The following SUGCT variants were observed in gnomAD, a reference collection of about 807,000 sequenced individuals.
The protein encoded by SUGCT is succinyl-CoA:glutarate-CoA transferase, also known as succinyl-CoA:glutarate CoA-transferase.
Under a neutral mutation model 55.0 loss-of-function variants are expected in SUGCT, and 41 were observed. That is an observed-to-expected ratio of 0.74 (90% CI 0.58 to 0.97). The LOEUF is 0.97. Ranked by LOEUF, SUGCT falls within the 50% of genes least tolerant of loss-of-function variation. The pLI is 0.00. For missense variants in SUGCT, 568 were observed against 547.8 expected (o/e 1.04, Z -0.37); for synonymous variants, 187 against 200.4 (o/e 0.93, Z 0.56).
At chr7:40,907,095 TAG>T in the SUGCT span, among the ~76,000 whole-genome samples, 5 of 52,206 alleles carry the variant, frequency 9.6e-5, no homozygotes, top group Middle Eastern at 7.8e-3. Context: ...TTTGTTCTGA[TAG>T]TGTGTGTGTG....
chr7:41,034,699 G>A, the SUGCT span, among the ~76,000 whole-genome samples: 11 of 152,018 alleles, frequency 7.2e-5, no homozygotes, highest in African/African-American at 2.2e-4. Context: ...CTTCTTCTGC[G>A]TGTCCATTCA....
the SUGCT span, among the ~76,000 whole-genome samples, chr7:41,016,724 C>A: frequency 1.3e-5 from 2 of 152,056 alleles, no homozygotes; most frequent in Non-Finnish European, 2.9e-5. Flanking sequence ...AGATAAGATG[C>A]CTTGGTCCCT....
chr7:40,503,226 A>G (rs964184056), intron 12 of SUGCT, among the ~76,000 whole-genome samples: 7 of 152,168 alleles, frequency 4.6e-5, no homozygotes, highest in Non-Finnish European at 1.5e-5. Context: ...GTAGTCATTC[A>G]TGGCTGCAAA....
chr7:40,253,709 G>C (rs985041159), intron 7 of SUGCT, among the ~76,000 whole-genome samples: 1 of 152,172 alleles, frequency 6.6e-6, no homozygotes, highest in Non-Finnish European at 1.5e-5. Context: ...TCAGTAGACA[G>C]AGGGTTTCGC....
At chr7:40,358,434 C>A (rs539098680) in intron 9 of SUGCT, among the ~76,000 whole-genome samples, 1 of 152,044 alleles carries the variant, frequency 6.6e-6, no homozygotes, top group Admixed American at 6.6e-5. Flanking sequence ...TTCAGAGGGC[C>A]GGGCGCAGTG....
intron 3 of SUGCT, among the ~76,000 whole-genome samples, chr7:40,184,430 G>C (rs1406772823): frequency 6.6e-6 from 1 of 151,876 alleles, no homozygotes; most frequent in Non-Finnish European, 1.5e-5. Flanking sequence ...ACTGTGCCTG[G>C]CTAAATTTTT....
chr7:40,335,725 T>C (rs977508789), intron 9 of SUGCT, among the ~76,000 whole-genome samples: 1 of 152,196 alleles, frequency 6.6e-6, no homozygotes, highest in Non-Finnish European at 1.5e-5. Context: ...TTTTCCTAAT[T>C]GAATATGCTT....
intron 11 of SUGCT, among the ~76,000 whole-genome samples, chr7:40,489,925 A>G (rs537889670): frequency 6.6e-6 from 1 of 152,288 alleles, no homozygotes; most frequent in East Asian, 1.9e-4. Flanking sequence ...AGTCCTCACC[A>G]TCTGGTTATG....
chr7:40,531,482 A>G (rs1032966710), intron 12 of SUGCT, among the ~76,000 whole-genome samples: 2 of 151,948 alleles, frequency 1.3e-5, no homozygotes, highest in Admixed American at 6.5e-5. Context: ...ATTAATGGCA[A>G]TAAAATTTTG....
chr7:40,709,193 A>T (rs1313445097), intron 12 of SUGCT, among the ~76,000 whole-genome samples: 4 of 152,204 alleles, frequency 2.6e-5, no homozygotes, highest in Non-Finnish European at 1.5e-5. Flanking sequence ...ATGTTGTTTG[A>T]TGCCCTTTTG....
intron 9 of SUGCT, among the ~76,000 whole-genome samples, chr7:40,381,514 CAAAA>C (rs201144918): frequency 6.6e-6 from 1 of 151,470 alleles, no homozygotes; most frequent in Non-Finnish European, 1.5e-5. Context: ...GTAACAACAA[CAAAA>C]AAAACCCTAA....
At chr7:40,839,528 T>C (rs1416747181) in intron 13 of SUGCT, among the ~76,000 whole-genome samples, 1 of 152,214 alleles carries the variant, frequency 6.6e-6, no homozygotes, top group Non-Finnish European at 1.5e-5. Context: ...AGTGAAACCA[T>C]AGAAACCTAG....
Position 40,301,503 on chromosome 7 carries a change from C to T in SUGCT, c.721-15257C>T, listed in dbSNP as rs557503935. Among the ~76,000 whole-genome samples, 3 of 152,314 alleles carry T rather than the reference C, an allele frequency of 2.0e-5. No homozygotes were observed. The South Asian group carries it at 6.2e-4, about 32-fold the overall frequency. ...TGCTGGATCATTTGGTCACTGAAAT[C>T]ATGCATTTCTTGTCCTATTCCACAC... On this transcript the variant is annotated intron_variant, in intron 8 of 13. Coordinates refer to ENST00000335693, the MANE Select transcript of SUGCT (RefSeq NM_001193313.2).
intron 13 of SUGCT, among the ~76,000 whole-genome samples, chr7:40,825,101 G>T (rs1204378102): frequency 6.6e-6 from 1 of 152,184 alleles, no homozygotes. Flanking sequence ...GTTAAAGGTT[G>T]TGCAGGAGGT....
chr7:40,775,816 G>A (rs1197548176), intron 13 of SUGCT: 2 of 152,182 alleles, frequency 1.3e-5, no homozygotes, highest in African/African-American at 2.4e-5. Flanking sequence ...ATAAAATCAC[G>A]TCAGCCTAGG....
intron 13 of SUGCT, among the ~76,000 whole-genome samples, chr7:40,752,601 C>A (rs1788072556): frequency 6.6e-6 from 1 of 152,196 alleles, no homozygotes; most frequent in Admixed American, 6.5e-5. Flanking sequence ...GGTGATCCAC[C>A]TGCCTCGGCC....
intron 7 of SUGCT, among the ~76,000 whole-genome samples, 199 bp from the exon 8 acceptor site, chr7:40,274,314 T>G (rs889597376): frequency 5.8e-4 from 88 of 152,198 alleles, no homozygotes; most frequent in Non-Finnish European, 1.1e-3. Context: ...CACTGAGAAG[T>G]ATATAGTAAA....
intron 6 of SUGCT, among the ~76,000 whole-genome samples, chr7:40,235,506 C>T (rs111387133): frequency 0.47 from 71,004 of 151,890 alleles, 17,504 homozygotes; most frequent in African/African-American, 0.64. Context: ...TTTGTAATTT[C>T]AGTAGAGACG....
At chr7:40,424,402 C>A (rs889468836) in intron 9 of SUGCT, among the ~76,000 whole-genome samples, 1 of 152,030 alleles carries the variant, frequency 6.6e-6, no homozygotes, top group Non-Finnish European at 1.5e-5. Context: ...ATAAGCACTG[C>A]CTGAATAATC....
Sources: gnomAD v4.1 joint callset for allele counts (sites outside exome capture counted in the v4.1 genomes callset) on GRCh38, gnomAD v4.1.1 for gene constraint, MANE v1.5 for transcripts, NCBI Gene and HGNC (gene_info 2026-07-23, HGNC 2026-07-21) for gene names.